Variants in PSEN1 observed in about 807,000 individuals in gnomAD.
PSEN1 encodes presenilin 1, also known as presenilin-1.
Under a neutral mutation model 53.5 loss-of-function variants are expected in PSEN1, and 15 were observed. The observed-to-expected ratio is 0.28, with a 90% CI of 0.19 to 0.43. The LOEUF (loss-of-function observed/expected upper bound fraction) is 0.43, where lower values mean the gene tolerates loss of function less well. Ranked by LOEUF, PSEN1 falls within the 20% of genes least tolerant of loss-of-function variation. The pLI is 1.00. For missense variants in PSEN1, 387 were observed against 571.2 expected, an observed-to-expected ratio of 0.68 and a Z score of 3.29; for synonymous variants, 208 against 209.8, an observed-to-expected ratio of 0.99 and a Z score of 0.08.
At chr14:73,194,037 C>G (rs1238456133) in intron 7 of PSEN1, among the ~76,000 whole-genome samples, 3 of 152,020 alleles carry the variant, frequency 2.0e-5, no homozygotes, top group Non-Finnish European at 4.4e-5. Context: ...AAAATAAAAC[C>G]GATTTGGACA....
rs917236982 is a variant in PSEN1, at chr14:73,171,130, G to A, written c.338+83G>A. The A allele has an allele frequency of 3.3e-6, 5 of 1,527,774 alleles. No individual in the cohort carries two copies. In the Admixed American group the frequency reaches 9.1e-5, roughly 28 times the overall value. The allele number at this position is 1,527,774 out of a possible 1,614,324, so 94.6% of individuals were successfully genotyped here. A position where few individuals can be genotyped will look rare whatever the true frequency, so the allele number is the denominator to read the frequency against. On this transcript the variant is annotated intron_variant, in intron 4 of 11. Coordinates refer to ENST00000324501, the MANE Select transcript of PSEN1 (RefSeq NM_000021.4). ...TGTCATCATCACCTTGAAGGCCTCT[G>A]CATTGAAGGGGCATGACTTAGCTGG...
intron 6 of PSEN1, among the ~76,000 whole-genome samples, chr14:73,191,505 T>G (rs1234960992): frequency 1.3e-5 from 2 of 152,172 alleles, no homozygotes; most frequent in Non-Finnish European, 2.9e-5. Context: ...GAAAAATGAT[T>G]TATCTCCCAC....
At chr14:73,139,658 CAT>C (rs1473193507) in intron 1 of PSEN1, among the ~76,000 whole-genome samples, 4 of 152,278 alleles carry the variant, frequency 2.6e-5, no homozygotes, top group East Asian at 1.9e-4. Context: ...ATATACCTAA[CAT>C]ATTTTTATTT....
At position 73,220,297 on chromosome 14, in the gene PSEN1, T is replaced by A. The variant is rs1900090762; in HGVS notation, c.*1008T>A. On this transcript the variant is annotated 3_prime_UTR_variant, in exon 12 of 12. Transcript: ENST00000324501. ...TCTTTGTATGATGAAAAGAATGTGT[T>A]ATGAATCGGTGCTGTCAGCCCTGCT... is the stretch of plus-strand genomic sequence containing the variant. 6.6e-6 allele frequency: 1 copy of A among 152,632 alleles called. No individual in the cohort carries two copies. Among genetic ancestry groups the A allele is most frequent in the Non-Finnish European group, 1.5e-5 (1 of 68,048 alleles). The allele number at this position is 152,632 out of a possible 1,614,324, so 9.5% of individuals were successfully genotyped here.
In PSEN1 at chr14:73,170,964, C is replaced by G; in HGVS notation, c.255C>G (p.Leu85=). Residue 85 remains leucine, a synonymous_variant, in exon 4 of 12, where the codon CTC becomes CTG. Coordinates refer to ENST00000324501, the MANE Select transcript of PSEN1 (RefSeq NM_000021.4). ...LKYGAKHVIM[L]FVPVTLCMVV... ...ATGGCGCCAAGCATGTGATCATGCTCTTTGTCCCTGTGACTCTCTGCATGG... is the reference window on the plus strand; with the variant it reads ...ATGGCGCCAAGCATGTGATCATGCTGTTTGTCCCTGTGACTCTCTGCATGG... 4.3e-6 allele frequency: 7 copies of G among 1,614,214 alleles called. No individual in the cohort carries two copies. The highest frequency in any genetic ancestry group is 1.3e-5 in the African/African-American group (1 of 75,062).
chr14:73,203,319 C>T lies in PSEN1; in HGVS notation c.869-3067C>T, dbSNP rs142910718. On this transcript the variant is annotated intron_variant, in intron 8 of 11. Transcript: ENST00000324501. The stretch of plus-strand genomic sequence containing the variant: ...GCCAGGCTGGTCTCAAACTTGTGAC[C>T]TCAGGTGATCTACCCGCCTCACCCT... Among the ~76,000 whole-genome samples, 447 of 151,986 alleles carry T rather than the reference C, an allele frequency of 2.9e-3. 15 individuals are homozygous for T. The East Asian group carries it at 0.078, about 26-fold the overall frequency.
intron 1 of PSEN1, among the ~76,000 whole-genome samples, chr14:73,145,241 AT>A (rs1566616056): frequency 6.6e-6 from 1 of 151,818 alleles, no homozygotes; most frequent in Non-Finnish European, 1.5e-5. Flanking sequence ...GCCTTGTTTC[AT>A]TTGGCTAAGA....
chr14:73,206,768 A>G (rs1318465187), intron 9 of PSEN1, among the ~76,000 whole-genome samples: 1 of 152,176 alleles, frequency 6.6e-6, no homozygotes, highest in Non-Finnish European at 1.5e-5. Flanking sequence ...TTTGTTTTTT[A>G]TAAGTCATGA....
chr14:73,149,351 T>C (rs1476515938), intron 3 of PSEN1, among the ~76,000 whole-genome samples: 1 of 151,882 alleles, frequency 6.6e-6, no homozygotes, highest in Non-Finnish European at 1.5e-5. Context: ...CCCACAGTTA[T>C]GGTACATCTG....
chr14:73,178,998 T>G (rs1898125963), intron 5 of PSEN1, among the ~76,000 whole-genome samples: 1 of 152,160 alleles, frequency 6.6e-6, no homozygotes, highest in Non-Finnish European at 1.5e-5. Context: ...CCATACTCAC[T>G]CACCTTGGGA....
intron 3 of PSEN1, chr14:73,168,488 T>C (rs1222749308): frequency 6.6e-6 from 1 of 152,132 alleles, no homozygotes; most frequent in African/African-American, 2.4e-5. Flanking sequence ...CCACTGAGTG[T>C]TGGTGATACA....
chr14:73,206,058 C>G (rs1332819650), intron 8 of PSEN1: 1 of 311,846 alleles, frequency 3.2e-6, no homozygotes, highest in Non-Finnish European at 6.1e-6. Context: ...GAATTTAGAA[C>G]ATTCAACTAG....
chr14:73,179,813 A>C (rs899698380), intron 5 of PSEN1, among the ~76,000 whole-genome samples: 3 of 151,958 alleles, frequency 2.0e-5, no homozygotes, highest in African/African-American at 4.8e-5. Context: ...CAGCCCACCT[A>C]CCTCTCATTA....
chr14:73,192,075 C>T (rs543243254), intron 6 of PSEN1, among the ~76,000 whole-genome samples: 11 of 151,788 alleles, frequency 7.2e-5, no homozygotes, highest in Non-Finnish European at 1.5e-4. Context: ...ATGAATGATA[C>T]AGAGCTTCCT....
intron 6 of PSEN1, 45 bp from the exon 7 acceptor site, chr14:73,192,599 G>C (rs776054093): frequency 7.5e-7 from 1 of 1,341,946 alleles, no homozygotes; most frequent in Admixed American, 1.7e-5. Context: ...ATGTTTTGGT[G>C]AAAATTATTG....
At chr14:73,213,192 T>C (rs1029397004) in intron 10 of PSEN1, among the ~76,000 whole-genome samples, 1 of 152,210 alleles carries the variant, frequency 6.6e-6, no homozygotes, top group African/African-American at 2.4e-5. Flanking sequence ...GGCTTTAGCT[T>C]GCCTTTGCTG....
chr14:73,193,458 T>G (rs1324623879), intron 7 of PSEN1, among the ~76,000 whole-genome samples: 1 of 150,216 alleles, frequency 6.7e-6, no homozygotes, highest in Non-Finnish European at 1.5e-5. Context: ...GGCAGGAGAA[T>G]TATTTGAACC....
At chr14:73,162,268 T>C (rs1897569958) in intron 3 of PSEN1, among the ~76,000 whole-genome samples, 1 of 151,858 alleles carries the variant, frequency 6.6e-6, no homozygotes, top group Non-Finnish European at 1.5e-5. Context: ...ATTAAATTTA[T>C]GCCAAGATTC....
intron 1 of PSEN1, among the ~76,000 whole-genome samples, chr14:73,139,600 G>A (rs1896859919): frequency 1.3e-5 from 2 of 151,516 alleles, no homozygotes; most frequent in Non-Finnish European, 2.9e-5. Flanking sequence ...AAAAAAGGGG[G>A]GCAAAAAGAA....
Sources: allele counts gnomAD v4.1 joint callset (sites outside exome capture counted in the v4.1 genomes callset), GRCh38; gene constraint gnomAD v4.1.1; transcripts MANE v1.5; gene names NCBI Gene and HGNC (gene_info 2026-07-23, HGNC 2026-07-21).